DUSP19: variants seen among roughly 807,000 people sequenced by gnomAD.
DUSP19 encodes dual specificity phosphatase 19.
A neutral mutation model predicts 16.6 loss-of-function variants in DUSP19; 14 were observed. The observed-to-expected ratio is 0.84, with a 90% CI of 0.56 to 1.32. DUSP19 has a LOEUF of 1.32. DUSP19 is among the 40% of genes most tolerant of loss of function. DUSP19 has a pLI of 0.00. For synonymous variants in DUSP19, 81 were observed against 90.5 expected (o/e 0.90, Z 0.59); for missense variants, 258 against 255.9 (o/e 1.01, Z -0.06).
chr2:183,093,787 C>T (rs555380392), intron 3 of DUSP19, among the ~76,000 whole-genome samples: 63 of 152,066 alleles, frequency 4.1e-4, no homozygotes, highest in South Asian at 4.1e-3. Flanking sequence ...AAAGTAAAGC[C>T]GACTAGTATA....
chr2:183,087,539 G>A (rs568056520), intron 3 of DUSP19, among the ~76,000 whole-genome samples: 49 of 152,148 alleles, frequency 3.2e-4, no homozygotes, highest in Non-Finnish European at 5.6e-4. Context: ...AATGTGTATT[G>A]CTTTACTTAG....
chr2:183,090,934 A>G (rs1325681664), intron 3 of DUSP19, among the ~76,000 whole-genome samples: 1 of 152,154 alleles, frequency 6.6e-6, no homozygotes, highest in Admixed American at 6.5e-5. Context: ...ACGGGGTGCT[A>G]TCACATGTGA....
chr2:183,090,299 C>T (rs550558808), intron 3 of DUSP19, among the ~76,000 whole-genome samples: 2 of 152,252 alleles, frequency 1.3e-5, no homozygotes, highest in Admixed American at 1.3e-4. Context: ...TAAGTCTTTA[C>T]TCATTTCCCT....
At chr2:183,080,865 G>A (rs1013904215) in intron 1 of DUSP19, among the ~76,000 whole-genome samples, 1 of 152,200 alleles carries the variant, frequency 6.6e-6, no homozygotes, top group Admixed American at 6.5e-5. Flanking sequence ...AATTACAAGT[G>A]CCTCATTCCT....
At chr2:183,084,410 A>G (rs1015967275) in intron 2 of DUSP19, among the ~76,000 whole-genome samples, 1 of 151,118 alleles carries the variant, frequency 6.6e-6, no homozygotes, top group African/African-American at 2.5e-5. Flanking sequence ...CTGGGCGACA[A>G]AGCAAGACTC....
In DUSP19 at chr2:183,081,773, G is replaced by A. The variant is rs949428853; in HGVS notation, c.227-1735G>A. Among the ~76,000 whole-genome samples, 23 of 152,150 alleles carry A rather than the reference G, an allele frequency of 1.5e-4. No homozygotes were observed. The East Asian group carries it at 1.9e-3, about 13-fold the overall frequency. ...TAAAGCTGAATGTGAGCTCAGTAGC[G>A]AACCTGTAAGCTTGGTATTATCAAG... On this transcript the variant is annotated intron_variant, in intron 1 of 3. Transcript: ENST00000354221.
At position 183,098,153 on chromosome 2, in the gene DUSP19, C is replaced by T. The variant is rs1699828358; in HGVS notation, c.*2495C>T. On this transcript the variant is annotated 3_prime_UTR_variant, in exon 4 of 4. Transcript: ENST00000354221. Reference sequence around the variant, plus strand: ...CAAGTGATCCACACGCCTTGGTCTCCCAAAGTGCTGGGATTACGGTGTTAG... The same window carrying T: ...CAAGTGATCCACACGCCTTGGTCTCTCAAAGTGCTGGGATTACGGTGTTAG... 6.6e-6 allele frequency: 1 copy of T among 152,288 alleles called. No homozygotes were observed. Among genetic ancestry groups the T allele is most frequent in the South Asian group, 2.1e-4 (1 of 4,826 alleles). 9.4% of individuals were successfully genotyped at this position (152,288 alleles called of 1,614,324 possible).
At chr2:183,080,287 T>C (rs1259395093) in intron 1 of DUSP19, among the ~76,000 whole-genome samples, 1 of 152,244 alleles carries the variant, frequency 6.6e-6, no homozygotes, top group Non-Finnish European at 1.5e-5. Flanking sequence ...GCTTATGTCA[T>C]AGGATCCTCC....
chr2:183,091,473 C>T (rs1699731565), intron 3 of DUSP19, among the ~76,000 whole-genome samples: 2 of 152,190 alleles, frequency 1.3e-5, no homozygotes, highest in South Asian at 4.1e-4. Context: ...CAAATACCCA[C>T]TAGAAGTTTC....
At position 183,083,701 on chromosome 2, in the gene DUSP19, T is replaced by C. The variant is rs1270072807; in HGVS notation, c.273+147T>C. ...TCATTTCAATAGAGTTGAAAAATAATTGGCACATAATTCAAATATGTGGAT... is the reference window on the plus strand; with the variant it reads ...TCATTTCAATAGAGTTGAAAAATAACTGGCACATAATTCAAATATGTGGAT... On this transcript the variant is annotated intron_variant, in intron 2 of 3. Coordinates refer to ENST00000354221, the MANE Select transcript of DUSP19 (RefSeq NM_080876.4). 18 of 588,738 alleles carry C rather than the reference T, an allele frequency of 3.1e-5. No homozygotes were observed. In the Admixed American group the frequency reaches 5.4e-4, roughly 18 times the overall value. 36.5% of individuals were successfully genotyped at this position (588,738 alleles called of 1,614,324 possible).
intron 2 of DUSP19, among the ~76,000 whole-genome samples, chr2:183,085,879 T>TGAGGCAGA (rs1699655299): frequency 9.8e-6 from 1 of 102,252 alleles, no homozygotes; most frequent in African/African-American, 4.3e-5. Context: ...TTTTTTTTTT[T>TGAGGCAGA]TTTTGAGGCA....
In DUSP19 at chr2:183,099,039, A is replaced by G. The variant is rs1178335533; in HGVS notation, c.*3381A>G. 8.6e-6 allele frequency: 1 copy of G among 115,968 alleles called. No homozygotes were observed. Among genetic ancestry groups the G allele is most frequent in the Non-Finnish European group, 1.9e-5 (1 of 52,628 alleles). The allele number at this position is 115,968 out of a possible 1,614,324, so 7.2% of individuals were successfully genotyped here. ...TGAACCTTGATTAAAATGTATGAAT[A>G]CAATACTTGGATTTTTTTTTTTCAG... On this transcript the variant is annotated 3_prime_UTR_variant, in exon 4 of 4. Coordinates refer to ENST00000354221, the MANE Select transcript of DUSP19 (RefSeq NM_080876.4).
Position 183,099,384 on chromosome 2 carries a change from C to T in DUSP19, c.*3726C>T, listed in dbSNP as rs569328416. 1 of 151,960 alleles carries T rather than the reference C, an allele frequency of 6.6e-6. No homozygotes were observed. The highest frequency in any genetic ancestry group is 1.9e-4 in the East Asian group (1 of 5,174). The allele number at this position is 151,960 out of a possible 1,614,324, so 9.4% of individuals were successfully genotyped here. A position where few individuals can be genotyped will look rare whatever the true frequency, so the allele number is the denominator to read the frequency against. Reference sequence around the variant, plus strand: ...AAGGATCCTGAACATATTTAGTTACCCTGTAGTTATTTAGGAATTTAAACC... The same window carrying T: ...AAGGATCCTGAACATATTTAGTTACTCTGTAGTTATTTAGGAATTTAAACC... On this transcript the variant is annotated 3_prime_UTR_variant, in exon 4 of 4. Coordinates refer to ENST00000354221, the MANE Select transcript of DUSP19 (RefSeq NM_080876.4).
intron 3 of DUSP19, among the ~76,000 whole-genome samples, chr2:183,087,953 C>A (rs1450156168): frequency 1.3e-5 from 2 of 152,142 alleles, no homozygotes; most frequent in Non-Finnish European, 2.9e-5. Flanking sequence ...AGGTGCCCAG[C>A]ACTGTTCTAC....
At chr2:183,095,381 AC>A in intron 3 of DUSP19, 49 bp from the exon 4 acceptor site, 5 of 1,477,500 alleles carry the variant, frequency 3.4e-6, no homozygotes, top group Non-Finnish European at 4.6e-6. Flanking sequence ...TGATATAATA[AC>A]CTTTCTCAAA....
chr2:183,089,029 A>C (rs187298309), intron 3 of DUSP19, among the ~76,000 whole-genome samples: 25 of 152,350 alleles, frequency 1.6e-4, no homozygotes, highest in Admixed American at 1.4e-3. Flanking sequence ...TTGGAATTTT[A>C]AATAAATTTA....
chr2:183,078,787 C>A lies in DUSP19; in HGVS notation c.-147C>A. ...GATAAACGGAGCTGGACGACTCAGT[C>A]TCTTGGTCTGTGGCTGCTGCGGTTA... On this transcript the variant is annotated 5_prime_UTR_variant, in exon 1 of 4. Transcript: ENST00000354221. The A allele has an allele frequency of 1.5e-6, 1 of 681,560 alleles. No homozygotes were observed. Among genetic ancestry groups the A allele is most frequent in the Non-Finnish European group, 2.5e-6 (1 of 404,398 alleles). The allele number at this position is 681,560 out of a possible 1,614,324, so 42.2% of individuals were successfully genotyped here.
chr2:183,095,230 A>G (rs1699782391), intron 3 of DUSP19, among the ~76,000 whole-genome samples: 1 of 152,220 alleles, frequency 6.6e-6, no homozygotes, highest in African/African-American at 2.4e-5. Context: ...TAAGGGAGGT[A>G]CAGGTTGATT....
In DUSP19 at chr2:183,098,637, A is replaced by C. The variant is rs983021290; in HGVS notation, c.*2979A>C. On this transcript the variant is annotated 3_prime_UTR_variant, in exon 4 of 4. Coordinates refer to ENST00000354221, the MANE Select transcript of DUSP19 (RefSeq NM_080876.4). ...TTCTGCCATTTTTTAAAGGAAAGGG[A>C]AAATGAAAACAGCATGTCTTTTTAA... is the stretch of plus-strand genomic sequence containing the variant. 8.5e-5 allele frequency: 13 copies of C among 152,344 alleles called. No homozygotes were observed. The highest frequency in any genetic ancestry group is 1.6e-4 in the Non-Finnish European group (11 of 68,022). 9.4% of individuals were successfully genotyped at this position (152,344 alleles called of 1,614,324 possible). A position where few individuals can be genotyped will look rare whatever the true frequency, so the allele number is the denominator to read the frequency against.
Sources: gnomAD v4.1 joint callset for allele counts (sites outside exome capture counted in the v4.1 genomes callset) on GRCh38, gnomAD v4.1.1 for gene constraint, MANE v1.5 for transcripts, NCBI Gene and HGNC (gene_info 2026-07-23, HGNC 2026-07-21) for gene names.